Variants in RANBP2 observed in about 807,000 individuals in gnomAD.
RANBP2 encodes the protein E3 SUMO-protein ligase RanBP2.
In RANBP2, 57 loss-of-function variants were observed where a neutral mutation model predicts 303.6. The observed-to-expected ratio is 0.19, with a 90% confidence interval of 0.15 to 0.23. The LOEUF (loss-of-function observed/expected upper bound fraction) is 0.23. Ranked by LOEUF, RANBP2 falls within the 10% of genes least tolerant of loss-of-function variation. The probability of loss-of-function intolerance (pLI) is 1.00; values close to 1 mark genes in which losing one functional copy is unlikely to be tolerated. For synonymous variants in RANBP2, 1,167 were observed against 1,301.5 expected, an observed-to-expected ratio of 0.90 and a Z score of 2.23; for missense variants, 3,138 against 3,780.8, an observed-to-expected ratio of 0.83 and a Z score of 4.46.
the RANBP2 span, among the ~76,000 whole-genome samples, chr2:108,816,531 T>G: frequency 2.0e-5 from 2 of 100,738 alleles, no homozygotes; most frequent in Admixed American, 1.2e-4. Context: ...AGTCCAGAGG[T>G]GATGCAGGGT....
At chr2:109,251,356 C>A in the RANBP2 span, 1 of 583,004 alleles carries the variant, frequency 1.7e-6, no homozygotes, top group South Asian at 1.6e-5. Flanking sequence ...CCCGGCCTGC[C>A]GCGGGAGCAT....
chr2:109,441,608 G>A, the RANBP2 span, among the ~76,000 whole-genome samples: 1 of 152,238 alleles, frequency 6.6e-6, no homozygotes, highest in African/African-American at 2.4e-5. Context: ...ATGTAGAGGA[G>A]AGAGGTAGGA....
the RANBP2 span, among the ~76,000 whole-genome samples, chr2:109,406,408 A>T: frequency 6.6e-6 from 1 of 152,126 alleles, no homozygotes; most frequent in South Asian, 2.1e-4. Context: ...GCCCAGGTCC[A>T]TCACTGAGAG....
chr2:109,146,811 T>G, the RANBP2 span, among the ~76,000 whole-genome samples: 1 of 139,220 alleles, frequency 7.2e-6, no homozygotes, highest in Non-Finnish European at 1.5e-5. Flanking sequence ...TCCTTCTGTT[T>G]TCCTCTGTCC....
At chr2:109,172,332 C>G in the RANBP2 span, among the ~76,000 whole-genome samples, 2 of 152,216 alleles carry the variant, frequency 1.3e-5, no homozygotes, top group Non-Finnish European at 2.9e-5. Context: ...CGTGGAAATG[C>G]GCGAGCCAGC....
At chr2:109,583,562 C>T in the RANBP2 span, among the ~76,000 whole-genome samples, 2 of 152,292 alleles carry the variant, frequency 1.3e-5, no homozygotes, top group Non-Finnish European at 1.5e-5. Context: ...AATGCAGCCA[C>T]TGTGGAAAGC....
the RANBP2 span, among the ~76,000 whole-genome samples, chr2:109,516,030 T>C: frequency 1.3e-4 from 20 of 152,194 alleles, no homozygotes; most frequent in African/African-American, 4.8e-4. Context: ...TTGTGCTAAC[T>C]ACCTGCTTAA....
the RANBP2 span, among the ~76,000 whole-genome samples, chr2:109,020,972 C>A: frequency 0.43 from 65,442 of 152,028 alleles, 16,538 homozygotes; most frequent in East Asian, 0.64. Flanking sequence ...CACACCCAGG[C>A]GACTCCCCAG....
the RANBP2 span, among the ~76,000 whole-genome samples, chr2:109,644,823 G>A: frequency 4.6e-5 from 7 of 152,270 alleles, no homozygotes; most frequent in African/African-American, 1.7e-4. Context: ...CCCCCCGGCT[G>A]CTTGTCAATA....
At chr2:109,126,527 C>CTATCACTAG in the RANBP2 span, among the ~76,000 whole-genome samples, 1 of 152,326 alleles carries the variant, frequency 6.6e-6, no homozygotes, top group South Asian at 2.1e-4. Flanking sequence ...AGAGTGACCA[C>CTATCACTAG]TGGTCCATAC....
chr2:109,015,914 CA>C, the RANBP2 span, among the ~76,000 whole-genome samples: 1 of 152,178 alleles, frequency 6.6e-6, no homozygotes, highest in Non-Finnish European at 1.5e-5. Context: ...GAAAGTTAGA[CA>C]CGGGTTTTCA....
At chr2:108,965,347 G>C in the RANBP2 span, among the ~76,000 whole-genome samples, 751 of 152,122 alleles carry the variant, frequency 4.9e-3, 3 homozygotes, top group Non-Finnish European at 7.2e-3. Context: ...TGGGCGTGGT[G>C]GTGGGTGCCT....
chr2:109,179,675 C>T, the RANBP2 span, among the ~76,000 whole-genome samples: 1 of 152,092 alleles, frequency 6.6e-6, no homozygotes, highest in African/African-American at 2.4e-5. Flanking sequence ...TCTTCCTGTT[C>T]TTCTAAAGCC....
the RANBP2 span, among the ~76,000 whole-genome samples, chr2:109,397,754 C>T: frequency 6.6e-6 from 1 of 152,230 alleles, no homozygotes; most frequent in Non-Finnish European, 1.5e-5. Context: ...CCAGGTGATG[C>T]CGCAGCCCTG....
At chr2:108,868,074 A>T in the RANBP2 span, among the ~76,000 whole-genome samples, 1 of 152,240 alleles carries the variant, frequency 6.6e-6, no homozygotes, top group African/African-American at 2.4e-5. Context: ...GGACATAATC[A>T]TTACCAAAGA....
the RANBP2 span, among the ~76,000 whole-genome samples, chr2:109,207,862 A>T: frequency 1.3e-5 from 2 of 152,198 alleles, no homozygotes; most frequent in African/African-American, 4.8e-5. Flanking sequence ...TTGGGGACCA[A>T]TTTAACAAAT....
At chr2:109,488,688 A>G in the RANBP2 span, among the ~76,000 whole-genome samples, 26 of 152,194 alleles carry the variant, frequency 1.7e-4, no homozygotes, top group Non-Finnish European at 3.2e-4. Context: ...TGCCGCCAAC[A>G]AGAGTTCTCT....
At chr2:109,440,429 A>G in the RANBP2 span, among the ~76,000 whole-genome samples, 1 of 152,250 alleles carries the variant, frequency 6.6e-6, no homozygotes, top group Non-Finnish European at 1.5e-5. Context: ...TAGACCACGT[A>G]AGGAATTTAG....
chr2:109,046,502 G>A, the RANBP2 span, among the ~76,000 whole-genome samples: 11 of 149,978 alleles, frequency 7.3e-5, no homozygotes, highest in Non-Finnish European at 1.5e-4. Flanking sequence ...CACCTCCCAG[G>A]TTCAAGCGAT....
Sources: allele counts gnomAD v4.1 joint callset (sites outside exome capture counted in the v4.1 genomes callset), GRCh38; gene constraint gnomAD v4.1.1; transcripts MANE v1.5; gene names NCBI Gene and HGNC (gene_info 2026-07-23, HGNC 2026-07-21).